PRCD: variants seen among roughly 807,000 people sequenced by gnomAD.
The protein encoded by PRCD is photoreceptor disc component, also known as photoreceptor disk component PRCD.
A neutral mutation model predicts 10.1 loss-of-function variants in PRCD; 12 were observed. That is an observed-to-expected ratio of 1.18 (90% CI 0.76 to 1.92). The LOEUF (loss-of-function observed/expected upper bound fraction) is 1.92, where lower values mean the gene tolerates loss of function less well. PRCD is among the 40% of genes most tolerant of loss of function. The probability of loss-of-function intolerance (pLI) is 0.00; values close to 1 mark genes in which losing one functional copy is unlikely to be tolerated. For missense variants in PRCD, 61 were observed against 72.2 expected (o/e 0.84, Z 0.56); for synonymous variants, 31 against 26.2 (o/e 1.18, Z -0.56).
chr17:76,531,033 A>T lies in PRCD; in HGVS notation n.45+3200A>T, dbSNP rs1324552357. 3 of 1,613,420 alleles carry T rather than the reference A, an allele frequency of 1.9e-6. No homozygotes were observed. Among genetic ancestry groups the T allele is most frequent in the Non-Finnish European group, 2.5e-6 (3 of 1,179,862 alleles). On this transcript the variant is annotated intron_variant and non_coding_transcript_variant, in intron 1 of 4. Coordinates refer to the PRCD transcript ENST00000397633. This position sits in a 1 kb window ranked among gnomAD's most constrained non-coding sequence, Gnocchi z 7.4. ...GCCCACTTCCTTGTAGGCAGCGGTC[A>T]CGTGGCTGTAGATGAGGCCACGCAG...
chr17:76,531,742 C>T lies in PRCD; in HGVS notation n.45+3909C>T. On this transcript the variant is annotated intron_variant and non_coding_transcript_variant, in intron 1 of 4. Transcript: ENST00000397633. The surrounding 1 kb of genome is among the most constrained non-coding windows in gnomAD (Gnocchi z 7.4). ...CTGAAGCTGGAGGCTGCCTCGGGCCCACCCTGAAGCTTCCAGGATAGTGGG... is the reference window on the plus strand; with the variant it reads ...CTGAAGCTGGAGGCTGCCTCGGGCCTACCCTGAAGCTTCCAGGATAGTGGG... 1 of 1,478,700 alleles carries T rather than the reference C, an allele frequency of 6.8e-7. No individual in the cohort carries two copies. The highest frequency in any genetic ancestry group is 9.2e-7 in the Non-Finnish European group (1 of 1,082,020). The allele number at this position is 1,478,700 out of a possible 1,614,324, so 91.6% of individuals were successfully genotyped here.
Position 76,531,607 on chromosome 17 carries a change from G to C in PRCD, n.45+3774G>C. The C allele has an allele frequency of 6.2e-7, 1 of 1,613,738 alleles. No homozygotes were observed. The highest frequency in any genetic ancestry group is 1.1e-5 in the South Asian group (1 of 91,078). On this transcript the variant is annotated intron_variant and non_coding_transcript_variant, in intron 1 of 4. Transcript: ENST00000397633. This position sits in a 1 kb window ranked among gnomAD's most constrained non-coding sequence, Gnocchi z 7.4. ...CTCGGCAGGCGTGCTTCCGCAGCTGGGGGCTCCGCTCCATCTCCAGGGGAT... is the reference window on the plus strand; with the variant it reads ...CTCGGCAGGCGTGCTTCCGCAGCTGCGGGCTCCGCTCCATCTCCAGGGGAT...
upstream of PRCD, among the ~76,000 whole-genome samples, chr17:76,535,324 G>A (rs755417395): frequency 6.6e-6 from 1 of 152,214 alleles, no homozygotes; most frequent in Non-Finnish European, 1.5e-5. Context: ...TCTTGACCTT[G>A]AGGATGTGTA....
rs773653945 is a variant in PRCD, at chr17:76,531,421, G to T, written n.45+3588G>T. The T allele has an allele frequency of 1.3e-6, 2 of 1,586,590 alleles. No homozygotes were observed. Among genetic ancestry groups the T allele is most frequent in the East Asian group, 2.3e-5 (1 of 44,226 alleles). ...TGCGAGCTGCAGATGGCCATGACGC[G>T]TGGGCGGTGGGGGCTCTGCAGCAGA... is the stretch of plus-strand genomic sequence containing the variant. On this transcript the variant is annotated intron_variant and non_coding_transcript_variant, in intron 1 of 4. Transcript: ENST00000397633. The surrounding 1 kb of genome is among the most constrained non-coding windows in gnomAD (Gnocchi z 7.4).
Position 76,544,198 on chromosome 17 carries a change from C to G in PRCD, c.*548C>G, listed in dbSNP as rs1400407118. 4 of 454,436 alleles carry G rather than the reference C, an allele frequency of 8.8e-6. No homozygotes were observed. Among genetic ancestry groups the G allele is most frequent in the African/African-American group, 4.0e-5 (2 of 49,988 alleles). The allele number at this position is 454,436 out of a possible 1,614,324, so 28.2% of individuals were successfully genotyped here. Reference sequence around the variant, plus strand: ...CAGCTATTAGTCTTCAAAAACCCCCCGTGCCTCTGTGCACACGCGTCTCTC... The same window carrying G: ...CAGCTATTAGTCTTCAAAAACCCCCGGTGCCTCTGTGCACACGCGTCTCTC... On this transcript the variant is annotated 3_prime_UTR_variant, in exon 5 of 5. Coordinates refer to ENST00000592014, the MANE Select transcript of PRCD (RefSeq NM_001077620.3).
In PRCD at chr17:76,530,075, A is replaced by G; in HGVS notation, n.45+2242A>G. 1.0e-6 allele frequency: 1 copy of G among 985,272 alleles called. No homozygotes were observed. The highest frequency in any genetic ancestry group is 5.2e-4 in the Middle Eastern group (1 of 1,914). 61.0% of individuals were successfully genotyped at this position (985,272 alleles called of 1,614,324 possible). On this transcript the variant is annotated intron_variant and non_coding_transcript_variant, in intron 1 of 4. Coordinates refer to the PRCD transcript ENST00000397633. This position sits in a 1 kb window ranked among gnomAD's most constrained non-coding sequence, Gnocchi z 6.1. ...GGGCCCGTGCAGAGCCCGGCGGGAGACGCCGCCTTTTCCATGGGAAACTGC... is the reference window on the plus strand; with the variant it reads ...GGGCCCGTGCAGAGCCCGGCGGGAGGCGCCGCCTTTTCCATGGGAAACTGC...
At chr17:76,553,460 C>T (rs1196983178) in exon 2 of PRCD, 5 of 152,188 alleles carry the variant, frequency 3.3e-5, no homozygotes, top group Non-Finnish European at 7.3e-5. Context: ...AGATGTGCTT[C>T]CTGTGATATC....
chr17:76,529,175 T>C (rs545226190), intron 1 of PRCD: 2 of 984,320 alleles, frequency 2.0e-6, no homozygotes, highest in African/African-American at 3.5e-5. Flanking sequence ...AGGACTCTAC[T>C]CTGTAACTCC....
At position 76,531,545 on chromosome 17, in the gene PRCD, T is replaced by C. The variant is rs1331738198; in HGVS notation, n.45+3712T>C. The C allele has an allele frequency of 6.2e-7, 1 of 1,614,046 alleles. No homozygotes were observed. The highest frequency in any genetic ancestry group is 8.5e-7 in the Non-Finnish European group (1 of 1,179,982). On this transcript the variant is annotated intron_variant and non_coding_transcript_variant, in intron 1 of 4. Transcript: ENST00000397633. This position sits in a 1 kb window ranked among gnomAD's most constrained non-coding sequence, Gnocchi z 7.4. ...CACAGAGGACACCTTGTCGGGGTCA[T>C]GCAGGTTCTCCACGACAGTGTTGAG...
upstream of PRCD, chr17:76,537,419 C>T: frequency 6.3e-7 from 1 of 1,598,088 alleles, no homozygotes. Context: ...ATGGCCACCC[C>T]CACGTCCTCG....
chr17:76,533,822 G>A lies in PRCD; in HGVS notation n.45+5989G>A, dbSNP rs1249386330. Among the ~76,000 whole-genome samples the A allele has an allele frequency of 6.6e-6, 1 of 152,146 alleles. No individual in the cohort carries two copies. The highest frequency in any genetic ancestry group is 1.5e-5 in the Non-Finnish European group (1 of 68,028). On this transcript the variant is annotated intron_variant and non_coding_transcript_variant, in intron 1 of 4. Coordinates refer to the PRCD transcript ENST00000397633. This position sits in a 1 kb window ranked among gnomAD's most constrained non-coding sequence, Gnocchi z 4.5. ...AGGCAGGAAGATCACTTGAGGCCAGGAGTTTGAGACCAGCCTGGGCAACAT... is the reference window on the plus strand; with the variant it reads ...AGGCAGGAAGATCACTTGAGGCCAGAAGTTTGAGACCAGCCTGGGCAACAT...
Position 76,540,084 on chromosome 17 carries a change from G to A in PRCD, c.-58G>A, listed in dbSNP as rs2074967789. On this transcript the variant is annotated 5_prime_UTR_variant, in exon 1 of 5. Coordinates refer to ENST00000592014, the MANE Select transcript of PRCD (RefSeq NM_001077620.3). The surrounding 1 kb of genome is among the most constrained non-coding windows in gnomAD (Gnocchi z 5.0). ...CTGAGAGCTGGCTGGGGCCATTTTG[G>A]CCCCTCGCCTGTGGCCTTCTGCAGA... 3 of 1,544,464 alleles carry A rather than the reference G, an allele frequency of 1.9e-6. No individual in the cohort carries two copies. The highest frequency in any genetic ancestry group is 2.6e-6 in the Non-Finnish European group (3 of 1,137,436).
chr17:76,540,254 G>GTA lies in PRCD; in HGVS notation c.74+39_74+40insTA. The GTA allele has an allele frequency of 1.1e-6, 1 of 887,860 alleles. No individual in the cohort carries two copies. The allele number at this position is 887,860 out of a possible 1,614,324, so 55.0% of individuals were successfully genotyped here. A position where few individuals can be genotyped will look rare whatever the true frequency, so the allele number is the denominator to read the frequency against. On this transcript the variant is annotated intron_variant, in intron 1 of 4. Coordinates refer to ENST00000592014, the MANE Select transcript of PRCD (RefSeq NM_001077620.3). The surrounding 1 kb of genome is among the most constrained non-coding windows in gnomAD (Gnocchi z 5.0). ...CGGGCTATGGCTGGCGGTTGGTCGGGGGGGGGGGGCATGGGGCTGGGCTGC... is the reference window on the plus strand; with the variant it reads ...CGGGCTATGGCTGGCGGTTGGTCGGGTAGGGGGGGGGCATGGGGCTGGGCTGC...
rs1225347625 is a variant in PRCD, at chr17:76,544,205, C to A, written c.*555C>A. On this transcript the variant is annotated 3_prime_UTR_variant, in exon 5 of 5. Coordinates refer to ENST00000592014, the MANE Select transcript of PRCD (RefSeq NM_001077620.3). ...TAGTCTTCAAAAACCCCCCGTGCCT[C>A]TGTGCACACGCGTCTCTCCTCCCCA... The A allele has an allele frequency of 2.2e-6, 1 of 454,558 alleles. No individual in the cohort carries two copies. The highest frequency in any genetic ancestry group is 1.6e-5 in the South Asian group (1 of 64,478). 28.2% of individuals were successfully genotyped at this position (454,558 alleles called of 1,614,324 possible). A position where few individuals can be genotyped will look rare whatever the true frequency, so the allele number is the denominator to read the frequency against.
At chr17:76,538,174 C>G (rs962140507), upstream of PRCD, 1 of 157,176 alleles carries the variant, frequency 6.4e-6, no homozygotes, top group African/African-American at 2.4e-5. Flanking sequence ...CGACCGCCAG[C>G]CCGCCCGTGG....
In PRCD at chr17:76,533,995, G is replaced by A. The variant is rs1030023263; in HGVS notation, n.45+6162G>A. On this transcript the variant is annotated intron_variant and non_coding_transcript_variant, in intron 1 of 4. Coordinates refer to the PRCD transcript ENST00000397633. This position sits in a 1 kb window ranked among gnomAD's most constrained non-coding sequence, Gnocchi z 4.5. The stretch of plus-strand genomic sequence containing the variant: ...GGAGGCTGCCATGAGCCATGATGGC[G>A]CCACCGTACTCCAGCTTGGGTGACA... Among the ~76,000 whole-genome samples, 3 of 152,186 alleles carry A rather than the reference G, an allele frequency of 2.0e-5. No homozygotes were observed. Among genetic ancestry groups the A allele is most frequent in the African/African-American group, 7.2e-5 (3 of 41,530 alleles).
At position 76,528,377 on chromosome 17, in the gene PRCD, G is replaced by A. The variant is rs973009695; in HGVS notation, n.45+544G>A. The A allele has an allele frequency of 2.8e-5, 12 of 430,958 alleles. No individual in the cohort carries two copies. Among genetic ancestry groups the A allele is most frequent in the African/African-American group, 2.2e-4 (11 of 49,186 alleles). The allele number at this position is 430,958 out of a possible 1,614,324, so 26.7% of individuals were successfully genotyped here. On this transcript the variant is annotated intron_variant and non_coding_transcript_variant, in intron 1 of 4. Coordinates refer to the PRCD transcript ENST00000397633. This position sits in a 1 kb window ranked among gnomAD's most constrained non-coding sequence, Gnocchi z 5.8. ...GGGCCCCGCTCTGCCCGCCGCGCTGGGGTCAGCATCCAGGCAGCCAGCGCC... is the reference window on the plus strand; with the variant it reads ...GGGCCCCGCTCTGCCCGCCGCGCTGAGGTCAGCATCCAGGCAGCCAGCGCC...
Position 76,530,936 on chromosome 17 carries a change from A to T in PRCD, n.45+3103A>T, listed in dbSNP as rs1024690259. 3.3e-6 allele frequency: 5 copies of T among 1,526,574 alleles called. No homozygotes were observed. Among genetic ancestry groups the T allele is most frequent in the Non-Finnish European group, 4.4e-6 (5 of 1,133,004 alleles). 94.6% of individuals were successfully genotyped at this position (1,526,574 alleles called of 1,614,324 possible). The stretch of plus-strand genomic sequence containing the variant: ...GGAGACCTCGGGGACAGCAGAGGAC[A>T]TGGCGGGGAGGCTGCCCAGCCCACC... On this transcript the variant is annotated intron_variant and non_coding_transcript_variant, in intron 1 of 4. Coordinates refer to the PRCD transcript ENST00000397633. The surrounding 1 kb of genome is among the most constrained non-coding windows in gnomAD (Gnocchi z 6.1).
At position 76,545,147 on chromosome 17, in the gene PRCD, C is replaced by T. The variant is rs1195827001; in HGVS notation, c.*1497C>T. ...TCCCCGCACACCCAGCCCACGCTCG[C>T]CTCTTATTCCCGGGGCCTCTCCCAC... On this transcript the variant is annotated 3_prime_UTR_variant, in exon 5 of 5. Coordinates refer to ENST00000592014, the MANE Select transcript of PRCD (RefSeq NM_001077620.3). The T allele has an allele frequency of 2.2e-6, 1 of 456,712 alleles. No individual in the cohort carries two copies. Among genetic ancestry groups the T allele is most frequent in the Non-Finnish European group, 4.4e-6 (1 of 226,982 alleles). 28.3% of individuals were successfully genotyped at this position (456,712 alleles called of 1,614,324 possible).
Sources: gnomAD v4.1 joint callset for allele counts (sites outside exome capture counted in the v4.1 genomes callset) on GRCh38, gnomAD v4.1.1 for gene constraint, Gnocchi (gnomAD v3.1) non-coding constraint, MANE v1.5 for transcripts, NCBI Gene and HGNC (gene_info 2026-07-23, HGNC 2026-07-21) for gene names.